TNFAIP8L3: variants seen among roughly 807,000 people sequenced by gnomAD.
The protein encoded by TNFAIP8L3 is tumor necrosis factor alpha-induced protein 8-like protein 3.
In TNFAIP8L3, 7 loss-of-function variants were observed where a neutral mutation model predicts 11.8. That is an observed-to-expected ratio of 0.59 (90% confidence interval 0.34 to 1.11). TNFAIP8L3 has a LOEUF of 1.11. TNFAIP8L3 is among the 50% of genes most tolerant of loss of function. The pLI is 0.03. For missense variants in TNFAIP8L3, 219 were observed against 258.6 expected, an observed-to-expected ratio of 0.85 and a Z score of 1.05; for synonymous variants, 98 against 103.8, an observed-to-expected ratio of 0.94 and a Z score of 0.34.
chr15:51,061,646 T>C (rs2140963226), intron 1 of TNFAIP8L3, among the ~76,000 whole-genome samples: 1 of 152,314 alleles, frequency 6.6e-6, no homozygotes, highest in Non-Finnish European at 1.5e-5. Flanking sequence ...TGAAAATATT[T>C]ATCAATCCAT....
At chr15:51,104,475 A>C (rs574765919) in intron 1 of TNFAIP8L3, among the ~76,000 whole-genome samples, 4 of 152,210 alleles carry the variant, frequency 2.6e-5, no homozygotes, top group African/African-American at 9.6e-5. Flanking sequence ...AGTTTGTCAT[A>C]CCCAGCCATG....
At chr15:51,088,348 G>A (rs1052000767) in intron 1 of TNFAIP8L3, among the ~76,000 whole-genome samples, 3 of 152,094 alleles carry the variant, frequency 2.0e-5, no homozygotes, top group Non-Finnish European at 2.9e-5. Flanking sequence ...TATACACTCA[G>A]TCTTCACCTT....
At chr15:51,071,111 T>C (rs1195169378) in intron 1 of TNFAIP8L3, among the ~76,000 whole-genome samples, 4 of 134,402 alleles carry the variant, frequency 3.0e-5, no homozygotes, top group African/African-American at 8.3e-5. Flanking sequence ...GTTTCAAACA[T>C]ATAAATAGAT....
At chr15:51,071,650 G>A (rs74013128) in intron 1 of TNFAIP8L3, among the ~76,000 whole-genome samples, 2 of 152,108 alleles carry the variant, frequency 1.3e-5, no homozygotes, top group Non-Finnish European at 2.9e-5. Flanking sequence ...TCCATTTTCT[G>A]CAAGGAAAAA....
chr15:51,075,321 A>G (rs2065342299), intron 1 of TNFAIP8L3, among the ~76,000 whole-genome samples: 1 of 152,172 alleles, frequency 6.6e-6, no homozygotes, highest in South Asian at 2.1e-4. Context: ...CCTGGGGGCC[A>G]GAGGGATTGC....
intron 1 of TNFAIP8L3, among the ~76,000 whole-genome samples, chr15:51,067,201 T>C (rs1229940458): frequency 6.6e-6 from 1 of 152,202 alleles, no homozygotes; most frequent in East Asian, 1.9e-4. Flanking sequence ...ACTTAGATGA[T>C]TTAGAAGGGT....
At chr15:51,082,049 T>G (rs1205555026) in intron 1 of TNFAIP8L3, among the ~76,000 whole-genome samples, 1 of 151,986 alleles carries the variant, frequency 6.6e-6, no homozygotes, top group Non-Finnish European at 1.5e-5. Flanking sequence ...AGTGAATTTT[T>G]TTTTTTTTTT....
At chr15:51,085,460 GC>G (rs1210419570) in intron 1 of TNFAIP8L3, among the ~76,000 whole-genome samples, 1 of 152,156 alleles carries the variant, frequency 6.6e-6, no homozygotes, top group African/African-American at 2.4e-5. Flanking sequence ...GCTAGCGTGG[GC>G]CTGTGCTGGT....
intron 1 of TNFAIP8L3, among the ~76,000 whole-genome samples, chr15:51,084,715 T>C (rs993483874): frequency 6.6e-6 from 1 of 152,232 alleles, no homozygotes. Flanking sequence ...TGTTGGGGTG[T>C]CTCCTAAACA....
At chr15:51,079,129 G>T (rs1315311185) in intron 1 of TNFAIP8L3, among the ~76,000 whole-genome samples, 1 of 152,200 alleles carries the variant, frequency 6.6e-6, no homozygotes, top group Non-Finnish European at 1.5e-5. Flanking sequence ...CAAACCCTAA[G>T]CTCCCAGCTC....
intron 1 of TNFAIP8L3, among the ~76,000 whole-genome samples, chr15:51,080,128 C>G (rs2065381330): frequency 6.6e-6 from 1 of 152,170 alleles, no homozygotes; most frequent in Non-Finnish European, 1.5e-5. Context: ...ATTTCTCCTT[C>G]CACCTTCCAA....
intron 1 of TNFAIP8L3, among the ~76,000 whole-genome samples, chr15:51,067,496 A>C (rs550921466): frequency 6.6e-6 from 1 of 152,276 alleles, no homozygotes; most frequent in Non-Finnish European, 1.5e-5. Context: ...TAGAACCTCT[A>C]TTTAGGTTTC....
intron 1 of TNFAIP8L3, among the ~76,000 whole-genome samples, chr15:51,077,701 G>T (rs2065362889): frequency 1.3e-5 from 2 of 152,206 alleles, no homozygotes; most frequent in Non-Finnish European, 2.9e-5. Flanking sequence ...GAACACCCTT[G>T]TCTGCCCTCC....
intron 1 of TNFAIP8L3, among the ~76,000 whole-genome samples, chr15:51,060,907 G>A (rs751200758): frequency 6.6e-6 from 1 of 152,142 alleles, no homozygotes; most frequent in Non-Finnish European, 1.5e-5. Context: ...AGGCTGAGGC[G>A]GGTGGATCAG....
intron 1 of TNFAIP8L3, among the ~76,000 whole-genome samples, chr15:51,077,872 G>T (rs1415991841): frequency 6.6e-6 from 1 of 152,196 alleles, no homozygotes; most frequent in Admixed American, 6.5e-5. Context: ...CTGTTAGCAG[G>T]ACCACTTATT....
chr15:51,082,731 A>T (rs1476626492), intron 1 of TNFAIP8L3, among the ~76,000 whole-genome samples: 1 of 151,992 alleles, frequency 6.6e-6, no homozygotes, highest in East Asian at 1.9e-4. Flanking sequence ...TTTTCTATTA[A>T]TTTTTTTCTT....
intron 1 of TNFAIP8L3, among the ~76,000 whole-genome samples, chr15:51,074,709 CA>C (rs1316594693): frequency 6.6e-6 from 1 of 152,214 alleles, no homozygotes; most frequent in African/African-American, 2.4e-5. Context: ...GAAGTCAAGC[CA>C]GCTCTCCCTA....
intron 1 of TNFAIP8L3, among the ~76,000 whole-genome samples, chr15:51,092,328 G>T (rs1419208909): frequency 6.6e-6 from 1 of 152,220 alleles, no homozygotes; most frequent in Non-Finnish European, 1.5e-5. Context: ...GTTTCTTGTA[G>T]AGACAAAGGT....
upstream of TNFAIP8L3, among the ~76,000 whole-genome samples, chr15:51,095,005 C>G (rs986386635): frequency 4.6e-5 from 7 of 151,916 alleles, no homozygotes; most frequent in African/African-American, 1.7e-4. Context: ...CCTCGCGCGG[C>G]GAGGTTGTGC....
Sources: allele counts gnomAD v4.1 joint callset (sites outside exome capture counted in the v4.1 genomes callset), GRCh38; gene constraint gnomAD v4.1.1; transcripts MANE v1.5; gene names NCBI Gene and HGNC (gene_info 2026-07-23, HGNC 2026-07-21).